The following PLCL2 variants were observed in gnomAD, a reference collection of about 807,000 sequenced individuals.
PLCL2 encodes the protein phospholipase C like 2.
In PLCL2, 4 loss-of-function variants were observed where a neutral mutation model predicts 79.6. That is an observed-to-expected ratio of 0.05 (90% CI 0.02 to 0.11). The LOEUF (loss-of-function observed/expected upper bound fraction) is 0.11. Among genes scored for constraint, PLCL2 ranks in the 10% least tolerant of loss-of-function variants. PLCL2 has a pLI of 1.00. For synonymous variants in PLCL2, 484 were observed against 457.7 expected (o/e 1.06, Z -0.73); for missense variants, 895 against 1,291.0 (o/e 0.69, Z 4.70).
chr3:16,894,744 A>G (rs1696434066), intron 1 of PLCL2, among the ~76,000 whole-genome samples: 1 of 151,914 alleles, frequency 6.6e-6, no homozygotes, highest in Non-Finnish European at 1.5e-5. Context: ...CCATTTGGAT[A>G]TTCTCTTTTG....
intron 1 of PLCL2, among the ~76,000 whole-genome samples, chr3:16,936,511 G>T (rs922126198): frequency 3.5e-4 from 53 of 152,026 alleles, no homozygotes; most frequent in African/African-American, 1.3e-3. Context: ...GTTTTTGCCA[G>T]ATTGTTTAAA....
intron 1 of PLCL2, among the ~76,000 whole-genome samples, chr3:16,929,693 C>T (rs562907633): frequency 6.6e-6 from 1 of 152,306 alleles, no homozygotes; most frequent in East Asian, 1.9e-4. Flanking sequence ...GGATTTCTCA[C>T]CATCTCCAAA....
At chr3:16,921,979 C>CA (rs1194701756) in intron 1 of PLCL2, among the ~76,000 whole-genome samples, 5 of 151,022 alleles carry the variant, frequency 3.3e-5, no homozygotes, top group African/African-American at 4.9e-5. Context: ...TTTAGCAGAG[C>CA]AAAAAAAGAG....
At chr3:17,005,348 A>G (rs1040000408) in intron 1 of PLCL2, among the ~76,000 whole-genome samples, 1 of 147,082 alleles carries the variant, frequency 6.8e-6, no homozygotes, top group African/African-American at 2.6e-5. Context: ...CAGCCGATGA[A>G]ATGAGGTTCA....
chr3:17,035,373 C>A (rs2064636252), intron 3 of PLCL2, among the ~76,000 whole-genome samples: 1 of 152,044 alleles, frequency 6.6e-6, no homozygotes, highest in Non-Finnish European at 1.5e-5. Context: ...AACCGTAAAG[C>A]ACTCTATAAT....
chr3:17,088,843 C>T (rs2065246725), intron 5 of PLCL2, among the ~76,000 whole-genome samples: 2 of 152,154 alleles, frequency 1.3e-5, no homozygotes, highest in African/African-American at 4.8e-5. Flanking sequence ...TTCCAGACTC[C>T]CAGTGACTGT....
At chr3:16,951,080 A>G (rs1446454349) in intron 1 of PLCL2, among the ~76,000 whole-genome samples, 1 of 152,162 alleles carries the variant, frequency 6.6e-6, no homozygotes, top group Non-Finnish European at 1.5e-5. Context: ...GTGCTGTTTG[A>G]GAAACCCTGT....
chr3:16,984,051 AATTCTATG>A (rs1261874081), intron 1 of PLCL2, among the ~76,000 whole-genome samples: 1 of 152,210 alleles, frequency 6.6e-6, no homozygotes, highest in Non-Finnish European at 1.5e-5. Context: ...GAAATGGGAT[AATTCTATG>A]GTTCTGCCAG....
intron 1 of PLCL2, among the ~76,000 whole-genome samples, chr3:17,002,603 T>C (rs529037609): frequency 9.2e-5 from 14 of 152,292 alleles, no homozygotes; most frequent in Non-Finnish European, 1.3e-4. Context: ...TGTGTGTGTG[T>C]GTTTGATCCT....
At chr3:16,963,447 T>C (rs1306192963) in intron 1 of PLCL2, among the ~76,000 whole-genome samples, 4 of 152,154 alleles carry the variant, frequency 2.6e-5, no homozygotes, top group South Asian at 4.1e-4. Context: ...AATTCATGAA[T>C]TGTTAGCAAT....
In PLCL2 at chr3:17,005,485, A is replaced by G. The variant is rs575347677; in HGVS notation, c.328-4189A>G. Among the ~76,000 whole-genome samples, 3 of 152,364 alleles carry G rather than the reference A, an allele frequency of 2.0e-5. No individual in the cohort carries two copies. In the South Asian group the frequency reaches 6.2e-4, roughly 32 times the overall value. ...CTCCTATTTTTAGTGACAGCCTTCT[A>G]TTAAATAAAGTAGGCAGTTATGTTA... On this transcript the variant is annotated intron_variant, in intron 1 of 5. Coordinates refer to ENST00000615277, the MANE Select transcript of PLCL2 (RefSeq NM_001144382.2).
At chr3:16,945,106 C>A (rs556207642) in intron 1 of PLCL2, among the ~76,000 whole-genome samples, 1 of 152,238 alleles carries the variant, frequency 6.6e-6, no homozygotes, top group Admixed American at 6.5e-5. Flanking sequence ...CTTCCCAGTT[C>A]CCTCTGCCTG....
chr3:16,944,236 A>C (rs1257309575), intron 1 of PLCL2, among the ~76,000 whole-genome samples: 1 of 152,246 alleles, frequency 6.6e-6, no homozygotes, highest in Non-Finnish European at 1.5e-5. Context: ...GATGCCTTAC[A>C]TACATACTAA....
intron 1 of PLCL2, among the ~76,000 whole-genome samples, chr3:16,984,864 G>A (rs2064033127): frequency 1.3e-5 from 2 of 151,968 alleles, no homozygotes; most frequent in Admixed American, 6.6e-5. Context: ...CCTGGAAGGC[G>A]GAGCTTGCAG....
intron 5 of PLCL2, among the ~76,000 whole-genome samples, chr3:17,075,993 A>T (rs1346383036): frequency 6.6e-6 from 1 of 152,218 alleles, no homozygotes; most frequent in Non-Finnish European, 1.5e-5. Context: ...TTCACATATC[A>T]GTCTTTGTAT....
chr3:17,045,741 CAG>C (rs1487493346), intron 4 of PLCL2, among the ~76,000 whole-genome samples: 1 of 152,008 alleles, frequency 6.6e-6, no homozygotes, highest in Non-Finnish European at 1.5e-5. Context: ...ATAGATGAGA[CAG>C]AGATTCAGGA....
At chr3:16,917,174 A>G (rs527384090) in intron 1 of PLCL2, among the ~76,000 whole-genome samples, 27 of 152,156 alleles carry the variant, frequency 1.8e-4, no homozygotes, top group Non-Finnish European at 3.5e-4. Context: ...GTAACAGTGT[A>G]TTCCTCTTCC....
rs551490113 is a variant in PLCL2 at position 16,887,381 on chromosome 3, T to C, written c.327+2015T>C. On this transcript the variant is annotated intron_variant, in intron 1 of 5. Coordinates refer to ENST00000615277, the MANE Select transcript of PLCL2 (RefSeq NM_001144382.2). The surrounding 1 kb of genome is among the most constrained non-coding windows in gnomAD (Gnocchi z 4.1). ...GAAAGTACATGTTTTCTCTGAGTTC[T>C]GTTAATTTATAAAACAATTGGTTTT... Among the ~76,000 whole-genome samples, 43 of 152,380 alleles carry C rather than the reference T, an allele frequency of 2.8e-4. No homozygotes were observed. The South Asian group carries it at 8.5e-3, about 30-fold the overall frequency.
intron 4 of PLCL2, among the ~76,000 whole-genome samples, chr3:17,064,216 G>A (rs1476384983): frequency 6.6e-6 from 1 of 152,146 alleles, no homozygotes; most frequent in African/African-American, 2.4e-5. Flanking sequence ...TAGTAATTTA[G>A]TTCCAAGAGA....
Sources: allele counts gnomAD v4.1 joint callset (sites outside exome capture counted in the v4.1 genomes callset), GRCh38; gene constraint gnomAD v4.1.1; non-coding constraint Gnocchi (gnomAD v3.1); transcripts MANE v1.5; gene names NCBI Gene and HGNC (gene_info 2026-07-23, HGNC 2026-07-21).